ABCG1: variants seen among roughly 807,000 people sequenced by gnomAD.
The protein encoded by ABCG1 is ATP-binding cassette sub-family G member 1.
Under a neutral mutation model 69.2 loss-of-function variants are expected in ABCG1, and 29 were observed. That is an observed-to-expected ratio of 0.42 (90% CI 0.31 to 0.57). The LOEUF (loss-of-function observed/expected upper bound fraction) is 0.57, where lower values mean the gene tolerates loss of function less well. ABCG1 is among the 20% of genes least tolerant of loss of function. The probability of loss-of-function intolerance (pLI) is 0.15; values close to 1 mark genes in which losing one functional copy is unlikely to be tolerated. For synonymous variants in ABCG1, 370 were observed against 374.8 expected, an observed-to-expected ratio of 0.99 and a Z score of 0.15; for missense variants, 718 against 898.1, an observed-to-expected ratio of 0.80 and a Z score of 2.56.
intron 8 of ABCG1, among the ~76,000 whole-genome samples, chr21:42,286,596 A>C (rs1244606659): frequency 6.6e-6 from 1 of 152,182 alleles, no homozygotes; most frequent in East Asian, 1.9e-4. Flanking sequence ...CGGGAGCCCC[A>C]GGAGGGTTGT....
At chr21:42,290,261 C>T in intron 11 of ABCG1, 43 bp downstream of exon 11, 1 of 1,590,878 alleles carries the variant, frequency 6.3e-7, no homozygotes, top group Non-Finnish European at 8.6e-7. Flanking sequence ...ATTTTCAATT[C>T]CTACCCAAGC....
intron 4 of ABCG1, among the ~76,000 whole-genome samples, chr21:42,275,170 A>C (rs1569231581): frequency 6.6e-6 from 1 of 152,154 alleles, no homozygotes; most frequent in Non-Finnish European, 1.5e-5. Flanking sequence ...TAGCTCAGCA[A>C]AGAGAAGCAG....
chr21:42,243,506 T>C (rs1213208702), intron 2 of ABCG1, among the ~76,000 whole-genome samples: 2 of 151,096 alleles, frequency 1.3e-5, no homozygotes, highest in African/African-American at 4.9e-5. Flanking sequence ...GTTTATAATA[T>C]CACCTGGGCG....
At chr21:42,245,728 C>T (rs552784787) in intron 2 of ABCG1, among the ~76,000 whole-genome samples, 1 of 152,202 alleles carries the variant, frequency 6.6e-6, no homozygotes, top group Non-Finnish European at 1.5e-5. Context: ...AGAACTGGGG[C>T]TGTATTTCCT....
chr21:42,228,825 G>C (rs4148111), intron 2 of ABCG1, among the ~76,000 whole-genome samples: 76,353 of 152,108 alleles, frequency 0.5, 21,175 homozygotes, highest in African/African-American at 0.75. Context: ...GCCCACTGTT[G>C]TCCCAACACC....
At chr21:42,209,702 G>C (rs2067571111) in intron 2 of ABCG1, among the ~76,000 whole-genome samples, 1 of 152,204 alleles carries the variant, frequency 6.6e-6, no homozygotes, top group Non-Finnish European at 1.5e-5. Context: ...AGGGAGAGTA[G>C]AGGATCCCGT....
chr21:42,247,961 T>C (rs2068158001), intron 2 of ABCG1, among the ~76,000 whole-genome samples: 2 of 152,106 alleles, frequency 1.3e-5, no homozygotes, highest in Admixed American at 6.6e-5. Context: ...ATCGCGGACA[T>C]CTCGATTTTG....
chr21:42,265,049 G>GC (rs1238382179), intron 2 of ABCG1, among the ~76,000 whole-genome samples: 2 of 152,112 alleles, frequency 1.3e-5, no homozygotes, highest in Non-Finnish European at 2.9e-5. Flanking sequence ...GCTTGTGCTG[G>GC]CCCCCCATCC....
chr21:42,236,193 T>C (rs2067976254), intron 2 of ABCG1, among the ~76,000 whole-genome samples: 1 of 152,220 alleles, frequency 6.6e-6, no homozygotes, highest in Non-Finnish European at 1.5e-5. Flanking sequence ...CTAAGCCGGC[T>C]GGAATCCGGA....
At chr21:42,206,610 C>T (rs866151955) in intron 2 of ABCG1, among the ~76,000 whole-genome samples, 12 of 152,060 alleles carry the variant, frequency 7.9e-5, no homozygotes, top group Admixed American at 7.9e-4. Context: ...CATGGTGCCA[C>T]CACATCTGGA....
At chr21:42,216,153 G>A (rs568441907), upstream of ABCG1, 12 of 451,270 alleles carry the variant, frequency 2.7e-5, no homozygotes, top group Admixed American at 9.5e-5. Context: ...TTCACCTTCC[G>A]CCATGATCAT....
rs749309108 is a variant in ABCG1 at position 42,287,133 on chromosome 21, G to A, written c.974-756G>A. Among the ~76,000 whole-genome samples the A allele has an allele frequency of 3.9e-5, 6 of 152,310 alleles. No individual in the cohort carries two copies. The highest frequency in any genetic ancestry group is 6.5e-5 in the Admixed American group (1 of 15,312). On this transcript the variant is annotated intron_variant, in intron 8 of 14. Coordinates refer to ENST00000398449, the MANE Select transcript of ABCG1 (RefSeq NM_016818.3). The surrounding 1 kb of genome is among the most constrained non-coding windows in gnomAD (Gnocchi z 6.2). ...TTACTGGAGTGGGAGGCAAGGCATC[G>A]CACAGGGAGGACACAGAGGCAGGAG...
rs76690582 is a variant in ABCG1 at position 42,243,135 on chromosome 21, C to G, written c.286+17221C>G. Among the ~76,000 whole-genome samples the G allele has an allele frequency of 2.1e-4, 32 of 152,272 alleles. No homozygotes were observed. In the East Asian group the frequency reaches 5.8e-3, roughly 28 times the overall value. On this transcript the variant is annotated intron_variant, in intron 2 of 14. Transcript: ENST00000398449. Reference sequence around the variant, plus strand: ...TGGTCAGGCAGCCTCAGCATCTCACCACTCCCTGGCCTTCAAAGTCAGCTT... The same window carrying G: ...TGGTCAGGCAGCCTCAGCATCTCACGACTCCCTGGCCTTCAAAGTCAGCTT...
At chr21:42,251,000 C>T (rs1345696175) in intron 2 of ABCG1, among the ~76,000 whole-genome samples, 6 of 152,078 alleles carry the variant, frequency 3.9e-5, no homozygotes, top group Admixed American at 1.3e-4. Flanking sequence ...ACAACAGAAA[C>T]GAACACAGGG....
rs558406698 is a variant in ABCG1, at chr21:42,261,659, C to T, written c.287-9411C>T. 2.0e-4 allele frequency among the ~76,000 whole-genome samples: 30 copies of T among 152,280 alleles called. No individual in the cohort carries two copies. In the East Asian group the frequency reaches 5.6e-3, roughly 28 times the overall value. Reference sequence around the variant, plus strand: ...TGGAAGAGGAATGTCCTGCCTGGCCCGGCCCCCTCGGGAAGCTGGCGGGTG... The same window carrying T: ...TGGAAGAGGAATGTCCTGCCTGGCCTGGCCCCCTCGGGAAGCTGGCGGGTG... On this transcript the variant is annotated intron_variant, in intron 2 of 14. Coordinates refer to ENST00000398449, the MANE Select transcript of ABCG1 (RefSeq NM_016818.3).
At chr21:42,268,399 G>T (rs1320764426) in intron 2 of ABCG1, among the ~76,000 whole-genome samples, 1 of 151,846 alleles carries the variant, frequency 6.6e-6, no homozygotes, top group Non-Finnish European at 1.5e-5. Context: ...GCGCGCGCGC[G>T]CTGGATACTC....
upstream of ABCG1, among the ~76,000 whole-genome samples, chr21:42,212,533 G>A (rs1355360097): frequency 6.6e-6 from 1 of 152,194 alleles, no homozygotes; most frequent in Non-Finnish European, 1.5e-5. Context: ...AGAGGGCAGA[G>A]GACTTGGCTG....
intron 2 of ABCG1, among the ~76,000 whole-genome samples, chr21:42,243,533 G>T (rs1172205576): frequency 6.6e-6 from 1 of 150,422 alleles, no homozygotes; most frequent in Non-Finnish European, 1.5e-5. Flanking sequence ...AGAAGATTAG[G>T]TTCCTTTCTG....
intron 2 of ABCG1, among the ~76,000 whole-genome samples, chr21:42,264,497 T>C (rs9978294): frequency 1.9e-3 from 88 of 46,490 alleles, no homozygotes; most frequent in African/African-American, 5.2e-3. Context: ...ATCCATCCAT[T>C]CATCCATTCA....
Sources: allele counts gnomAD v4.1 joint callset (sites outside exome capture counted in the v4.1 genomes callset), GRCh38; gene constraint gnomAD v4.1.1; non-coding constraint Gnocchi (gnomAD v3.1); transcripts MANE v1.5; gene names NCBI Gene and HGNC (gene_info 2026-07-23, HGNC 2026-07-21).